CENPU: variants seen among roughly 807,000 people sequenced by gnomAD.
CENPU encodes the protein KSHV latent nuclear antigen interacting protein 1.
A neutral mutation model predicts 56.7 loss-of-function variants in CENPU; 46 were observed. The observed-to-expected ratio is 0.81, with a 90% confidence interval of 0.64 to 1.04. CENPU has a LOEUF of 1.04. Ranked by LOEUF, CENPU falls within the 50% of genes least tolerant of loss-of-function variation. CENPU has a pLI of 0.00. For missense variants in CENPU, 510 were observed against 490.1 expected, an observed-to-expected ratio of 1.04 and a Z score of -0.38; for synonymous variants, 166 against 163.0, an observed-to-expected ratio of 1.02 and a Z score of -0.14.
At chr4:184,727,221 T>C (rs1245549242) in intron 3 of CENPU, among the ~76,000 whole-genome samples, 1 of 152,082 alleles carries the variant, frequency 6.6e-6, no homozygotes, top group Non-Finnish European at 1.5e-5. Context: ...AACTATTCTA[T>C]GTTTCCTTTT....
At chr4:184,726,337 A>C (rs1286866252) in intron 3 of CENPU, among the ~76,000 whole-genome samples, 2 of 152,014 alleles carry the variant, frequency 1.3e-5, no homozygotes, top group Non-Finnish European at 2.9e-5. Flanking sequence ...AGAATATACA[A>C]ATGGCCAATA....
intron 4 of CENPU, 58 bp from the exon 5 acceptor site, chr4:184,717,254 T>C: frequency 2.4e-6 from 3 of 1,244,890 alleles, no homozygotes; most frequent in Non-Finnish European, 3.5e-6. Context: ...TTCACATGTC[T>C]TCTCTAACTT....
Position 184,730,980 on chromosome 4 carries a change from C to G in CENPU, c.48-12G>C. 2 of 1,547,022 alleles carry G rather than the reference C, an allele frequency of 1.3e-6. No individual in the cohort carries two copies. The highest frequency in any genetic ancestry group is 1.2e-5 in the South Asian group (1 of 80,962). On this transcript the variant is annotated splice_polypyrimidine_tract_variant and intron_variant, in intron 1 of 12. Transcript: ENST00000281453. Reference sequence around the variant, plus strand: ...TTGAACGTCTTGCGCTATTAAACAGCAAAAAAACACAAGAGTTAGGAAATA... The same window carrying G: ...TTGAACGTCTTGCGCTATTAAACAGGAAAAAAACACAAGAGTTAGGAAATA...
At chr4:184,702,220 A>G in intron 9 of CENPU, 84 bp from the exon 10 acceptor site, 1 of 1,291,100 alleles carries the variant, frequency 7.7e-7, no homozygotes, top group Admixed American at 1.8e-5. Flanking sequence ...TTTAGTTTAA[A>G]AACAGTTATG....
chr4:184,696,460 C>T (rs1230229870), intron 12 of CENPU, among the ~76,000 whole-genome samples: 1 of 152,108 alleles, frequency 6.6e-6, no homozygotes, highest in African/African-American at 2.4e-5. Flanking sequence ...TATGTTCAAG[C>T]TGAATCAATG....
intron 10 of CENPU, among the ~76,000 whole-genome samples, chr4:184,701,618 C>A (rs2150202839): frequency 6.6e-6 from 1 of 152,232 alleles, no homozygotes; most frequent in African/African-American, 2.4e-5. Context: ...AGCAATGAAG[C>A]AGCAGAACCA....
At chr4:184,732,964 C>T (rs990781211) in intron 1 of CENPU, among the ~76,000 whole-genome samples, 1 of 137,170 alleles carries the variant, frequency 7.3e-6, no homozygotes, top group Non-Finnish European at 1.5e-5. Context: ...CCAGCCTGGG[C>T]CACAGAGTGA....
chr4:184,699,501 A>G, intron 11 of CENPU: 1 of 1,185,834 alleles, frequency 8.4e-7, no homozygotes, highest in Middle Eastern at 2.2e-4. Context: ...GCCACACAGG[A>G]AGCTTGTAAA....
chr4:184,697,567 A>C (rs771107145), intron 12 of CENPU, 80 bp downstream of exon 12: 1 of 1,363,908 alleles, frequency 7.3e-7, no homozygotes, highest in Non-Finnish European at 1.0e-6. Context: ...GTCTTTCCCC[A>C]AAGCTTCTGA....
chr4:184,702,184 TGTTA>T, intron 9 of CENPU, 48 bp from the exon 10 acceptor site: 1 of 1,432,122 alleles, frequency 7.0e-7, no homozygotes, highest in African/African-American at 1.4e-5. Context: ...CAAAAGTAAA[TGTTA>T]ATTAGTTTCA....
At chr4:184,718,702 G>A (rs919265767) in intron 4 of CENPU, among the ~76,000 whole-genome samples, 1 of 152,170 alleles carries the variant, frequency 6.6e-6, no homozygotes, top group Admixed American at 6.5e-5. Flanking sequence ...AGGCAGTCAC[G>A]GGCCAGAAAA....
At chr4:184,722,400 C>T (rs1761310948) in intron 4 of CENPU, among the ~76,000 whole-genome samples, 1 of 152,002 alleles carries the variant, frequency 6.6e-6, no homozygotes, top group Non-Finnish European at 1.5e-5. Flanking sequence ...TATAAATTTA[C>T]CTCAACCCAA....
intron 4 of CENPU, among the ~76,000 whole-genome samples, chr4:184,717,796 A>G (rs1420478368): frequency 6.6e-6 from 1 of 152,190 alleles, no homozygotes; most frequent in Non-Finnish European, 1.5e-5. Flanking sequence ...TGATGTGGAG[A>G]CACAGCTGGG....
rs1391472897 is a variant in CENPU, at chr4:184,695,375, CAG to C, written c.1168_1169del (p.Leu390ValfsTer3). 1 of 1,612,918 alleles carries C rather than the reference CAG, an allele frequency of 6.2e-7. No homozygotes were observed. Among genetic ancestry groups the C allele is most frequent in the Non-Finnish European group, 8.5e-7 (1 of 1,179,164 alleles). ...ETYDSSSLPA[L>X]LFKARTLLGA... is the part of the protein sequence containing the mutation. Reference sequence around the variant, plus strand: ...CCAGAAGTGTTCTTGCTTTAAATAACAGAGCTGGAAGGCTGGATGAATCATAC... The same window carrying C: ...CCAGAAGTGTTCTTGCTTTAAATAACAGCTGGAAGGCTGGATGAATCATAC... On this transcript the variant is annotated frameshift_variant, in exon 13 of 13. Transcript: ENST00000281453. LOFTEE classifies it high-confidence loss of function.
chr4:184,714,233 C>G (rs1210534371), intron 6 of CENPU, among the ~76,000 whole-genome samples: 2 of 152,134 alleles, frequency 1.3e-5, no homozygotes, highest in Non-Finnish European at 2.9e-5. Flanking sequence ...GAGAATTTGT[C>G]ACCAGCAGAC....
chr4:184,728,684 G>A (rs1240218253), intron 3 of CENPU, among the ~76,000 whole-genome samples: 1 of 152,132 alleles, frequency 6.6e-6, no homozygotes, highest in Non-Finnish European at 1.5e-5. Context: ...GTCCTCATGT[G>A]ACCAGATTGT....
Position 184,694,657 on chromosome 4 carries a change from T to A in CENPU, c.*631A>T. On this transcript the variant is annotated 3_prime_UTR_variant, in exon 13 of 13. Transcript: ENST00000281453. ...CTGGGATAATGGCATTGATGATGCT[T>A]ATTTTTTAGAAGCTACTGAAGATGC... The A allele has an allele frequency of 6.2e-7, 1 of 1,614,188 alleles. No homozygotes were observed. The highest frequency in any genetic ancestry group is 1.1e-5 in the South Asian group (1 of 91,086).
intron 4 of CENPU, among the ~76,000 whole-genome samples, chr4:184,719,440 C>A (rs925381279): frequency 6.6e-6 from 1 of 152,196 alleles, no homozygotes; most frequent in Non-Finnish European, 1.5e-5. Flanking sequence ...TGCCCACACA[C>A]AGAGGGAGCA....
intron 8 of CENPU, among the ~76,000 whole-genome samples, chr4:184,703,142 T>A (rs1161524616): frequency 3.9e-5 from 6 of 152,204 alleles, no homozygotes; most frequent in African/African-American, 1.4e-4. Context: ...CTAAGCCCTC[T>A]GGTACGGGGT....
Sources: allele counts gnomAD v4.1 joint callset (sites outside exome capture counted in the v4.1 genomes callset), GRCh38; gene constraint gnomAD v4.1.1; transcripts MANE v1.5; gene names NCBI Gene and HGNC (gene_info 2026-07-23, HGNC 2026-07-21).